RASEF: variants seen among roughly 807,000 people sequenced by gnomAD.
The protein encoded by RASEF is RAS and EF-hand domain containing, also known as ras and EF-hand domain-containing protein.
A neutral mutation model predicts 90.1 loss-of-function variants in RASEF; 68 were observed. The ratio of observed to expected loss-of-function variants is 0.75; its 90% CI spans 0.62 to 0.92. The LOEUF (loss-of-function observed/expected upper bound fraction) is 0.92. Ranked by LOEUF, RASEF falls within the 40% of genes least tolerant of loss-of-function variation. The pLI is 0.00. For missense variants in RASEF, 949 were observed against 937.2 expected (o/e 1.01, Z -0.16); for synonymous variants, 331 against 345.2 (o/e 0.96, Z 0.46).
chr9:83,055,526 C>T (rs1189599117), intron 1 of RASEF: 1 of 703,494 alleles, frequency 1.4e-6, no homozygotes, highest in African/African-American at 1.9e-5. Context: ...ACGCTGGGAG[C>T]TGTAGACCGG....
the RASEF span, among the ~76,000 whole-genome samples, chr9:83,170,441 AATAT>A: frequency 6.6e-6 from 1 of 151,732 alleles, no homozygotes; most frequent in East Asian, 1.9e-4. Flanking sequence ...CAGATTTAAA[AATAT>A]ATATATATTT....
chr9:83,214,183 C>T, the RASEF span, among the ~76,000 whole-genome samples: 17 of 152,146 alleles, frequency 1.1e-4, no homozygotes, highest in Admixed American at 3.9e-4. Flanking sequence ...CACCTGAGTT[C>T]AAGGCCAGCC....
the RASEF span, among the ~76,000 whole-genome samples, chr9:83,218,707 T>C: frequency 6.6e-6 from 1 of 152,220 alleles, no homozygotes; most frequent in Non-Finnish European, 1.5e-5. Context: ...CAGATGTTTC[T>C]GAGAGCACCG....
the RASEF span, among the ~76,000 whole-genome samples, chr9:83,196,268 A>G: frequency 3.3e-5 from 5 of 152,200 alleles, no homozygotes; most frequent in African/African-American, 1.2e-4. Context: ...CTTAAGAAAC[A>G]GCAGAGTTAA....
the RASEF span, among the ~76,000 whole-genome samples, chr9:83,184,011 C>T: frequency 3.3e-5 from 5 of 152,152 alleles, no homozygotes; most frequent in Admixed American, 6.5e-5. Context: ...CAACAAGTTC[C>T]CAGGAAAGCC....
chr9:83,128,030 T>TC, the RASEF span, among the ~76,000 whole-genome samples: 1 of 150,178 alleles, frequency 6.7e-6, no homozygotes, highest in Non-Finnish European at 1.5e-5. Flanking sequence ...CTTTTCTTTT[T>TC]TTTTTTTTTT....
At chr9:83,188,927 C>A in the RASEF span, among the ~76,000 whole-genome samples, 1 of 152,142 alleles carries the variant, frequency 6.6e-6, no homozygotes, top group African/African-American at 2.4e-5. Flanking sequence ...CAAGGAGAGA[C>A]CCCAGCCACA....
At chr9:83,189,771 T>C in the RASEF span, among the ~76,000 whole-genome samples, 2 of 152,234 alleles carry the variant, frequency 1.3e-5, no homozygotes, top group Non-Finnish European at 2.9e-5. Flanking sequence ...TGTATGTTAA[T>C]GTAGCAAAAA....
At chr9:83,184,090 T>G in the RASEF span, among the ~76,000 whole-genome samples, 1 of 152,212 alleles carries the variant, frequency 6.6e-6, no homozygotes, top group African/African-American at 2.4e-5. Flanking sequence ...AAGAAGAAAC[T>G]AGAATTGACA....
At chr9:83,014,675 A>G (rs1373129037) in intron 4 of RASEF, among the ~76,000 whole-genome samples, 1 of 152,118 alleles carries the variant, frequency 6.6e-6, no homozygotes, top group Non-Finnish European at 1.5e-5. Flanking sequence ...CCCATTAGTT[A>G]TGGGAAAAAC....
chr9:83,201,357 A>C, the RASEF span: 4 of 152,152 alleles, frequency 2.6e-5, no homozygotes, highest in East Asian at 7.7e-4. Context: ...TCCTATCATC[A>C]TGTTTTGCTG....
At chr9:83,006,203 T>C (rs1023077074) in intron 7 of RASEF, among the ~76,000 whole-genome samples, 3 of 152,226 alleles carry the variant, frequency 2.0e-5, no homozygotes, top group South Asian at 2.1e-4. Context: ...CCTTCTTTGA[T>C]AGGCCAATGC....
At chr9:82,994,432 C>T (rs1828873044) in intron 14 of RASEF, among the ~76,000 whole-genome samples, 1 of 152,128 alleles carries the variant, frequency 6.6e-6, no homozygotes, top group Admixed American at 6.5e-5. Context: ...TGAAGAAAAC[C>T]ACAGCCCACT....
At chr9:83,093,870 A>G in the RASEF span, among the ~76,000 whole-genome samples, 1 of 152,258 alleles carries the variant, frequency 6.6e-6, no homozygotes, top group Non-Finnish European at 1.5e-5. Context: ...GTCACCTCTC[A>G]GTATGAGATA....
the RASEF span, among the ~76,000 whole-genome samples, chr9:83,184,374 G>T: frequency 2.0e-5 from 3 of 152,290 alleles, 1 homozygote; most frequent in Middle Eastern, 0.01. Flanking sequence ...GGGAAAGCAG[G>T]GGTAAATGAG....
At chr9:83,207,309 C>G in the RASEF span, among the ~76,000 whole-genome samples, 9 of 152,198 alleles carry the variant, frequency 5.9e-5, no homozygotes, top group African/African-American at 1.9e-4. Context: ...AAGGCAGGGG[C>G]TTTTCCTTTT....
chr9:83,158,609 TATATGTATATATGTAC>T, the RASEF span, among the ~76,000 whole-genome samples: 3 of 147,218 alleles, frequency 2.0e-5, no homozygotes, highest in South Asian at 2.1e-4. Flanking sequence ...AATATATACA[TATATGTATATATGTAC>T]ATATGTATAT....
At chr9:83,047,877 T>C (rs1829961173) in intron 1 of RASEF, among the ~76,000 whole-genome samples, 1 of 152,190 alleles carries the variant, frequency 6.6e-6, no homozygotes, top group Admixed American at 6.5e-5. Flanking sequence ...AAACCTAACA[T>C]TTGAATTAAC....
At chr9:83,090,011 G>A in the RASEF span, among the ~76,000 whole-genome samples, 3 of 152,152 alleles carry the variant, frequency 2.0e-5, no homozygotes, top group Non-Finnish European at 2.9e-5. Context: ...ACAGATGACT[G>A]AGGATTTGTT....
Sources: allele counts gnomAD v4.1 joint callset (sites outside exome capture counted in the v4.1 genomes callset), GRCh38; gene constraint gnomAD v4.1.1; transcripts MANE v1.5; gene names NCBI Gene and HGNC (gene_info 2026-07-23, HGNC 2026-07-21).